Variants in CDHR3 observed in about 807,000 individuals in gnomAD.
CDHR3 encodes cadherin-related family member 3.
A neutral mutation model predicts 86.6 loss-of-function variants in CDHR3; 79 were observed. That is an observed-to-expected ratio of 0.91 (90% CI 0.76 to 1.10). The LOEUF is 1.10. CDHR3 is among the 50% of genes least tolerant of loss of function. The probability of loss-of-function intolerance (pLI) is 0.00; values close to 1 mark genes in which losing one functional copy is unlikely to be tolerated. For missense variants in CDHR3, 1,081 were observed against 1,077.6 expected (o/e 1.00, Z -0.04); for synonymous variants, 421 against 402.4 (o/e 1.05, Z -0.55).
At chr7:105,990,962 G>A (rs1232370081) in intron 4 of CDHR3, among the ~76,000 whole-genome samples, 1 of 152,216 alleles carries the variant, frequency 6.6e-6, no homozygotes, top group Non-Finnish European at 1.5e-5. Context: ...AAGCTTTTGT[G>A]TCTGAGAGCA....
rs373599203 is a variant in CDHR3, at chr7:106,024,362, C to G, written c.2077-19C>G. On this transcript the variant is annotated intron_variant, in intron 14 of 18. Coordinates refer to ENST00000317716, the MANE Select transcript of CDHR3 (RefSeq NM_152750.5). ...CACTACCACCCTCTACTCACCCTCC[C>G]TGCTCTCTGTTGTTCAAGCCCAGGG... 2.5e-6 allele frequency: 4 copies of G among 1,612,424 alleles called. No individual in the cohort carries two copies. Among genetic ancestry groups the G allele is most frequent in the Non-Finnish European group, 3.4e-6 (4 of 1,178,700 alleles).
chr7:106,023,547 T>TTCCTCC (rs915716011), intron 14 of CDHR3, among the ~76,000 whole-genome samples: 1 of 151,712 alleles, frequency 6.6e-6, no homozygotes, highest in African/African-American at 2.4e-5. Flanking sequence ...CCTCCTCCTC[T>TTCCTCC]TCCTCCTCCT....
rs35573554 is a variant in CDHR3 at position 106,003,133 on chromosome 7, C to CAAA, written c.863-1348_863-1346dup. Among the ~76,000 whole-genome samples the CAAA allele has an allele frequency of 5.2e-3, 516 of 100,020 alleles. 11 individuals carry two copies. The highest frequency in any genetic ancestry group is 0.016 in the African/African-American group (448 of 28,368). 65.6% of individuals were successfully genotyped at this position (100,020 alleles called of 152,430 possible). On this transcript the variant is annotated intron_variant, in intron 7 of 18. Coordinates refer to ENST00000317716, the MANE Select transcript of CDHR3 (RefSeq NM_152750.5). ...TGGGTGACAGAGCAAAAACCTGTCT[C>CAAA]AAAAAAAAAAAAAAAAAAAGTGATT... is the stretch of plus-strand genomic sequence containing the variant.
At chr7:106,017,564 G>GACACACACACACACAC (rs539661927) in intron 11 of CDHR3, among the ~76,000 whole-genome samples, 12 of 130,546 alleles carry the variant, frequency 9.2e-5, no homozygotes, top group African/African-American at 3.2e-4. Flanking sequence ...GTCACACACA[G>GACACACACACACACAC]ACACACACAC....
intron 1 of CDHR3, among the ~76,000 whole-genome samples, chr7:105,965,177 G>T (rs1248138331): frequency 6.6e-6 from 1 of 152,156 alleles, no homozygotes; most frequent in African/African-American, 2.4e-5. Context: ...TGTTTCTTTT[G>T]TGAGTCTGAG....
chr7:105,998,625 C>T (rs1832641485), intron 6 of CDHR3, among the ~76,000 whole-genome samples: 1 of 152,108 alleles, frequency 6.6e-6, no homozygotes, highest in Non-Finnish European at 1.5e-5. Flanking sequence ...AACCCTGTTT[C>T]TACTAAAAGT....
chr7:105,986,590 C>T (rs914592264), intron 4 of CDHR3, among the ~76,000 whole-genome samples: 9 of 152,194 alleles, frequency 5.9e-5, no homozygotes, highest in African/African-American at 2.2e-4. Flanking sequence ...CAAAGACCCC[C>T]AGGGAAAACT....
intron 4 of CDHR3, among the ~76,000 whole-genome samples, chr7:105,992,098 G>A (rs1320379791): frequency 2.6e-5 from 4 of 152,094 alleles, no homozygotes; most frequent in Non-Finnish European, 5.9e-5. Flanking sequence ...CCCCTTTGGA[G>A]CACCTCCCCA....
At chr7:105,998,874 A>G (rs879586994) in intron 6 of CDHR3, among the ~76,000 whole-genome samples, 4 of 151,496 alleles carry the variant, frequency 2.6e-5, no homozygotes, top group Non-Finnish European at 4.4e-5. Flanking sequence ...TGTGCACAGC[A>G]CTTTATTTTA....
At chr7:105,974,761 A>G in intron 1 of CDHR3, 83 bp from the exon 2 acceptor site, 1 of 1,088,360 alleles carries the variant, frequency 9.2e-7, no homozygotes, top group Non-Finnish European at 1.4e-6. Context: ...CTACGAATTG[A>G]AGCCACAAAC....
intron 2 of CDHR3, among the ~76,000 whole-genome samples, chr7:105,976,768 T>C (rs1828875858): frequency 6.6e-6 from 1 of 152,232 alleles, no homozygotes; most frequent in Non-Finnish European, 1.5e-5. Context: ...TCACCCATGT[T>C]GTAGCCTGGA....
chr7:106,010,594 T>C (rs1440094041), intron 8 of CDHR3, among the ~76,000 whole-genome samples: 1 of 152,218 alleles, frequency 6.6e-6, no homozygotes, highest in African/African-American at 2.4e-5. Flanking sequence ...TGACCATTCT[T>C]GCTGTCAGAC....
intron 2 of CDHR3, among the ~76,000 whole-genome samples, chr7:105,978,884 G>C (rs6947411): frequency 1.8e-4 from 28 of 152,076 alleles, no homozygotes; most frequent in Admixed American, 4.6e-4. Context: ...CTGAGGTCAA[G>C]GATCTATCCA....
chr7:106,018,173 A>G (rs1056232453), intron 12 of CDHR3, 101 bp downstream of exon 12: 4 of 834,528 alleles, frequency 4.8e-6, no homozygotes, highest in Non-Finnish European at 7.7e-6. Context: ...GAAACTTCCC[A>G]GGGTACATCC....
At chr7:105,981,868 A>G (rs904269595) in intron 3 of CDHR3, among the ~76,000 whole-genome samples, 2 of 151,890 alleles carry the variant, frequency 1.3e-5, no homozygotes, top group African/African-American at 4.8e-5. Flanking sequence ...CCAAGCCTTG[A>G]GTCATCCTTG....
At chr7:106,022,984 G>A (rs1018959269) in intron 14 of CDHR3, among the ~76,000 whole-genome samples, 1 of 152,128 alleles carries the variant, frequency 6.6e-6, no homozygotes, top group Non-Finnish European at 1.5e-5. Flanking sequence ...CCTATAGTGT[G>A]CCAGTCACTT....
At chr7:106,031,223 C>T (rs1478729234) in intron 18 of CDHR3, among the ~76,000 whole-genome samples, 1 of 151,432 alleles carries the variant, frequency 6.6e-6, no homozygotes, top group East Asian at 1.9e-4. Flanking sequence ...CATCCACATT[C>T]TTCCTGGATG....
At chr7:105,965,268 C>A (rs1325889356) in intron 1 of CDHR3, among the ~76,000 whole-genome samples, 1 of 152,108 alleles carries the variant, frequency 6.6e-6, no homozygotes, top group Non-Finnish European at 1.5e-5. Context: ...CCCCTTCAGG[C>A]TGTTGGAAGC....
rs145364775 is a variant in CDHR3, at chr7:106,026,594, A to G, written c.2259-88A>G. 6.3e-5 allele frequency: 87 copies of G among 1,375,274 alleles called. No individual in the cohort carries two copies. In the African/African-American group the frequency reaches 1.0e-3, roughly 16 times the overall value. The allele number at this position is 1,375,274 out of a possible 1,614,324, so 85.2% of individuals were successfully genotyped here. On this transcript the variant is annotated intron_variant, in intron 15 of 18. Transcript: ENST00000317716. ...TCAACCCCTGTATCTCAAAGGGCAT[A>G]GTTGCCCAAAGAACCCCATGGTGTC... is the stretch of plus-strand genomic sequence containing the variant.
Sources: gnomAD v4.1 joint callset for allele counts (sites outside exome capture counted in the v4.1 genomes callset) on GRCh38, gnomAD v4.1.1 for gene constraint, MANE v1.5 for transcripts, NCBI Gene and HGNC (gene_info 2026-07-23, HGNC 2026-07-21) for gene names.